PFKP: variants seen among roughly 807,000 people sequenced by gnomAD.
PFKP encodes the protein phosphofructokinase, platelet, also known as ATP-dependent 6-phosphofructokinase, platelet type.
Under a neutral mutation model 94.3 loss-of-function variants are expected in PFKP, and 101 were observed. The ratio of observed to expected loss-of-function variants is 1.07; its 90% CI spans 0.91 to 1.26. The LOEUF is 1.26. PFKP is among the 50% of genes most tolerant of loss of function. PFKP has a pLI of 0.00. For missense variants in PFKP, 1,145 were observed against 1,103.3 expected (o/e 1.04, Z -0.53); for synonymous variants, 573 against 432.6 (o/e 1.32, Z -4.03).
intron 1 of PFKP, among the ~76,000 whole-genome samples, chr10:3,073,823 G>A (rs537902052): frequency 6.6e-6 from 1 of 151,740 alleles, no homozygotes; most frequent in South Asian, 2.1e-4. Context: ...GTGTGTGTGT[G>A]TGTTTTTTTT....
intron 15 of PFKP, among the ~76,000 whole-genome samples, chr10:3,119,461 C>T (rs1441869391): frequency 1.3e-5 from 2 of 152,086 alleles, no homozygotes; most frequent in African/African-American, 2.4e-5. Context: ...AAAAATTAGC[C>T]GGGTGTGGTG....
At chr10:3,098,185 C>T (rs953468630) in intron 2 of PFKP, among the ~76,000 whole-genome samples, 44 of 152,200 alleles carry the variant, frequency 2.9e-4, no homozygotes, top group South Asian at 2.1e-3. Context: ...TTCTGTCCTC[C>T]GGACCTTCAC....
chr10:3,093,079 G>A (rs1284671467), intron 2 of PFKP, among the ~76,000 whole-genome samples: 8 of 151,532 alleles, frequency 5.3e-5, no homozygotes, highest in South Asian at 4.2e-4. Context: ...GGGTGACCAC[G>A]GAAGCCTGAG....
Position 3,133,279 on chromosome 10 carries a change from G to T in PFKP, c.1987G>T (p.Asp663Tyr). 6.2e-7 allele frequency: 1 copy of T among 1,614,058 alleles called. No homozygotes were observed. ...LYSEEGKGVF[D>Y]CRKNVLGHMQ... The stretch of plus-strand genomic sequence containing the variant: ...TTCAGAAGAGGGCAAAGGCGTGTTT[G>T]ACTGCAGGAAGAACGTGCTGGGTCA... Residue 663 changes from aspartate to tyrosine, a missense_variant, in exon 19 of 22, where the codon GAC becomes TAC. By Grantham distance (160) the Asp-to-Tyr change is radical (BLOSUM62 -3). Around this residue, in one of 3 missense-constraint regions of PFKP, gnomAD observed 1,119 missense variants for 1,062.8 expected, o/e 1.05. Coordinates refer to ENST00000381125, the MANE Select transcript of PFKP (RefSeq NM_002627.5).
intron 16 of PFKP, among the ~76,000 whole-genome samples, chr10:3,127,350 G>T (rs902340584): frequency 4.6e-5 from 7 of 152,236 alleles, no homozygotes; most frequent in Non-Finnish European, 1.0e-4. Flanking sequence ...ACACGCCTGG[G>T]CACAAATCAG....
rs370807721 is a variant in PFKP, at chr10:3,113,228, C to A, written c.1224+40C>A. On this transcript the variant is annotated intron_variant, in intron 12 of 21. Coordinates refer to ENST00000381125, the MANE Select transcript of PFKP (RefSeq NM_002627.5). ...TCCCGCGATGCCCCGACCTCTCCTG[C>A]GGGCCTCCCCTCATGGCCTCTGCCT... The A allele has an allele frequency of 3.8e-6, 6 of 1,596,650 alleles. No homozygotes were observed. In the African/African-American group the frequency reaches 5.4e-5, roughly 14 times the overall value.
chr10:3,075,336 G>A (rs1272346904), intron 1 of PFKP, among the ~76,000 whole-genome samples: 3 of 151,972 alleles, frequency 2.0e-5, no homozygotes. Context: ...AGAATGGAAG[G>A]AATTTTTGTC....
intron 1 of PFKP, chr10:3,069,397 T>A: frequency 6.3e-7 from 1 of 1,584,198 alleles, no homozygotes; most frequent in Non-Finnish European, 8.6e-7. Flanking sequence ...CGGGTACGAA[T>A]GGAGCCGCCT....
rs555565814 is a variant in PFKP, at chr10:3,093,769, G to GAGC, written c.187-5502_187-5500dup. On this transcript the variant is annotated intron_variant, in intron 2 of 21. Transcript: ENST00000381125. ...CGCCATTCTCCCGCCTCAGCCTCCC[G>GAGC]AGCAGCTGGGACTACAGGCTCCCGC... is the stretch of plus-strand genomic sequence containing the variant. Among the ~76,000 whole-genome samples, 353 of 146,890 alleles carry GAGC rather than the reference G, an allele frequency of 2.4e-3. 2 individuals are homozygous for GAGC. The highest frequency in any genetic ancestry group is 8.6e-3 in the African/African-American group (342 of 39,942).
chr10:3,130,075 A>G (rs4381274), intron 17 of PFKP, 92 bp downstream of exon 17: 478,658 of 1,198,414 alleles, frequency 0.4, 97,974 homozygotes, highest in African/African-American at 0.62. Context: ...TTTGCTTTCC[A>G]AGGGGCATGG....
In PFKP at chr10:3,128,033, T is replaced by G. The variant is rs979360105; in HGVS notation, c.1684-1786T>G. Reference sequence around the variant, plus strand: ...TCAAGTCCACACCCCCACTTCATGCTCTTACTCTTGGCTGAGTCCCATGGA... The same window carrying G: ...TCAAGTCCACACCCCCACTTCATGCGCTTACTCTTGGCTGAGTCCCATGGA... On this transcript the variant is annotated intron_variant, in intron 16 of 21. Coordinates refer to ENST00000381125, the MANE Select transcript of PFKP (RefSeq NM_002627.5). Among the ~76,000 whole-genome samples, 7 of 152,296 alleles carry G rather than the reference T, an allele frequency of 4.6e-5. No homozygotes were observed. The South Asian group carries it at 1.2e-3, about 27-fold the overall frequency.
intron 16 of PFKP, chr10:3,129,517 T>G (rs1588564698): frequency 8.7e-6 from 3 of 346,668 alleles, no homozygotes; most frequent in East Asian, 7.9e-5. Flanking sequence ...GCTTGTGGGG[T>G]CGTCTTTTCC....
intron 2 of PFKP, among the ~76,000 whole-genome samples, chr10:3,091,022 C>T (rs1047532503): frequency 5.3e-5 from 8 of 152,184 alleles, no homozygotes; most frequent in East Asian, 1.9e-4. Flanking sequence ...GGAACAGTGG[C>T]GTTTCTGCTG....
At chr10:3,121,679 G>A (rs1489941993) in intron 16 of PFKP, among the ~76,000 whole-genome samples, 2 of 149,438 alleles carry the variant, frequency 1.3e-5, no homozygotes, top group Admixed American at 6.7e-5. Context: ...CCCCACAAAT[G>A]ATCATTTCCA....
At chr10:3,127,225 A>G (rs1198491831) in intron 16 of PFKP, among the ~76,000 whole-genome samples, 1 of 152,212 alleles carries the variant, frequency 6.6e-6, no homozygotes, top group Non-Finnish European at 1.5e-5. Flanking sequence ...CCTCTTCCGT[A>G]CCAGCTGTCG....
At chr10:3,071,298 G>A (rs777411133) in intron 1 of PFKP, among the ~76,000 whole-genome samples, 6 of 152,020 alleles carry the variant, frequency 3.9e-5, no homozygotes, top group Non-Finnish European at 7.4e-5. Context: ...AGATACAATT[G>A]AAAATCTCTT....
chr10:3,133,511 A>C (rs920210273), intron 19 of PFKP, among the ~76,000 whole-genome samples, 197 bp downstream of exon 19: 16 of 152,282 alleles, frequency 1.1e-4, no homozygotes, highest in African/African-American at 3.6e-4. Flanking sequence ...GCTCACTGCA[A>C]CCTCCACCTT....
rs1831934673 is a variant in PFKP, at chr10:3,068,725, C to G, written c.112+1018C>G. The G allele has an allele frequency of 7.1e-6, 7 of 983,332 alleles. No individual in the cohort carries two copies. The South Asian group carries it at 2.4e-4, about 33-fold the overall frequency. The allele number at this position is 983,332 out of a possible 1,614,324, so 60.9% of individuals were successfully genotyped here. On this transcript the variant is annotated intron_variant, in intron 1 of 21. Coordinates refer to ENST00000381125, the MANE Select transcript of PFKP (RefSeq NM_002627.5). ...TGCCCGGATGATGGAGTGTCCCGAT[C>G]CGTGCAATCCCTGGCGGGTAGATCG...
rs1831827347 is a variant in PFKP, at chr10:3,067,646, G to A, written c.51G>A (p.Leu17=). 1 of 1,535,712 alleles carries A rather than the reference G, an allele frequency of 6.5e-7. No homozygotes were observed. The highest frequency in any genetic ancestry group is 2.6e-5 in the East Asian group (1 of 38,650). ...CCAAGGGCTCCTTGCGGAAGTTCCT[G>A]GAGCACCTCTCCGGGGCCGGCAAGG... ...RAPKGSLRKF[L]EHLSGAGKAI... is the part of the protein sequence containing the mutation. Residue 17 remains leucine (L), a synonymous_variant, in exon 1 of 22, where the codon CTG becomes CTA. Transcript: ENST00000381125.
Sources: allele counts gnomAD v4.1 joint callset (sites outside exome capture counted in the v4.1 genomes callset), GRCh38; gene constraint gnomAD v4.1.1; regional missense constraint gnomAD v4.1.1; transcripts MANE v1.5; gene names NCBI Gene and HGNC (gene_info 2026-07-23, HGNC 2026-07-21).